SERPINI1: variants seen among roughly 807,000 people sequenced by gnomAD.
SERPINI1 encodes serpin family I member 1.
SERPINI1 carries 19 observed loss-of-function variants against 41.1 expected under a neutral mutation model. The ratio of observed to expected loss-of-function variants is 0.46; its 90% CI spans 0.32 to 0.68. SERPINI1 has a LOEUF of 0.68. Among genes scored for constraint, SERPINI1 ranks in the 30% least tolerant of loss-of-function variants. SERPINI1 has a pLI of 0.03. For missense variants in SERPINI1, 460 were observed against 479.2 expected (o/e 0.96, Z 0.37); for synonymous variants, 138 against 156.6 (o/e 0.88, Z 0.89).
intron 5 of SERPINI1, among the ~76,000 whole-genome samples, chr3:167,803,118 G>T (rs960377301): frequency 2.0e-5 from 3 of 151,720 alleles, no homozygotes; most frequent in African/African-American, 7.3e-5. Context: ...CACACTCTGG[G>T]GACTGTTGTG....
intron 1 of SERPINI1, among the ~76,000 whole-genome samples, chr3:167,771,848 CGCGCACGCGCACGCACAT>C (rs1303303350): frequency 8.3e-6 from 1 of 121,126 alleles, no homozygotes; most frequent in East Asian, 2.2e-4. Flanking sequence ...TGTGTGTGTG[CGCGCACGCGCACGCACAT>C]GCACACATGG....
intron 1 of SERPINI1, among the ~76,000 whole-genome samples, chr3:167,751,060 G>C (rs987836705): frequency 6.6e-5 from 10 of 151,984 alleles, no homozygotes; most frequent in Non-Finnish European, 1.2e-4. Flanking sequence ...AAAATCCACG[G>C]CAAGCTTACT....
At chr3:167,775,796 A>G (rs1384762733) in intron 1 of SERPINI1, among the ~76,000 whole-genome samples, 11 of 152,150 alleles carry the variant, frequency 7.2e-5, no homozygotes, top group Non-Finnish European at 1.6e-4. Flanking sequence ...GCAAGAATAC[A>G]TATTTGTTGA....
chr3:167,739,235 T>C (rs1725587074), intron 1 of SERPINI1, among the ~76,000 whole-genome samples: 2 of 152,134 alleles, frequency 1.3e-5, no homozygotes, highest in Non-Finnish European at 2.9e-5. Flanking sequence ...TATCTCCTGT[T>C]AGTCCTGAGC....
At chr3:167,803,450 C>G (rs1711519160) in intron 5 of SERPINI1, among the ~76,000 whole-genome samples, 1 of 152,074 alleles carries the variant, frequency 6.6e-6, no homozygotes, top group Non-Finnish European at 1.5e-5. Flanking sequence ...TTATACATAA[C>G]TACAATATAA....
chr3:167,824,403 G>T (rs1712447271), intron 7 of SERPINI1, 70 bp from the exon 8 acceptor site: 4 of 1,167,120 alleles, frequency 3.4e-6, no homozygotes, highest in Non-Finnish European at 5.1e-6. Context: ...AGGCATAGAT[G>T]GTTTTGAGGA....
intron 1 of SERPINI1, among the ~76,000 whole-genome samples, chr3:167,772,880 A>C (rs1438577832): frequency 9.1e-5 from 6 of 65,700 alleles, no homozygotes; most frequent in African/African-American, 2.9e-4. Flanking sequence ...ATATATATAT[A>C]TATATATATA....
chr3:167,769,343 A>G (rs1414780781), intron 1 of SERPINI1, among the ~76,000 whole-genome samples: 1 of 152,194 alleles, frequency 6.6e-6, no homozygotes, highest in Non-Finnish European at 1.5e-5. Context: ...CAAAACATGC[A>G]TGTATTTTAA....
chr3:167,793,333 GT>G (rs1560010138), intron 4 of SERPINI1, among the ~76,000 whole-genome samples: 1 of 151,962 alleles, frequency 6.6e-6, no homozygotes, highest in Non-Finnish European at 1.5e-5. Context: ...GAAGTTTAGG[GT>G]ATTAGTCCTT....
At chr3:167,816,412 A>G (rs1464897254) in intron 6 of SERPINI1, among the ~76,000 whole-genome samples, 3 of 152,220 alleles carry the variant, frequency 2.0e-5, no homozygotes, top group Non-Finnish European at 2.9e-5. Flanking sequence ...ACATCAGATG[A>G]CACTGAAAGA....
At chr3:167,755,893 T>C (rs1472800995) in intron 1 of SERPINI1, among the ~76,000 whole-genome samples, 1 of 149,140 alleles carries the variant, frequency 6.7e-6, no homozygotes, top group East Asian at 2.0e-4. Flanking sequence ...AGTGAAAGAG[T>C]TGGCTAGGGG....
chr3:167,751,994 G>A (rs772211600), intron 1 of SERPINI1, among the ~76,000 whole-genome samples: 2 of 152,232 alleles, frequency 1.3e-5, no homozygotes, highest in South Asian at 2.1e-4. Context: ...TGCCAAATGG[G>A]GAAAATGTTT....
chr3:167,825,519 ATTGTGT>A lies in SERPINI1; in HGVS notation c.*203_*208del. 1.8e-6 allele frequency: 1 copy of A among 557,602 alleles called. No individual in the cohort carries two copies. 34.5% of individuals were successfully genotyped at this position (557,602 alleles called of 1,614,324 possible). Reference sequence around the variant, plus strand: ...ATTAAGCTAATGGTCCTGTTATGTCATTGTGTTTGTGTGCTGTTGTTTAAAATAAAA... The same window carrying A: ...ATTAAGCTAATGGTCCTGTTATGTCATTGTGTGCTGTTGTTTAAAATAAAA... On this transcript the variant is annotated 3_prime_UTR_variant, in exon 9 of 9. Coordinates refer to ENST00000446050, the MANE Select transcript of SERPINI1 (RefSeq NM_001122752.2).
intron 6 of SERPINI1, among the ~76,000 whole-genome samples, chr3:167,808,056 T>A (rs1488055650): frequency 2.6e-5 from 4 of 151,800 alleles, no homozygotes; most frequent in Non-Finnish European, 4.4e-5. Context: ...AGGCAGAGGT[T>A]GAAGTGAGCC....
At chr3:167,788,091 T>A (rs976508214) in intron 1 of SERPINI1, among the ~76,000 whole-genome samples, 2 of 152,356 alleles carry the variant, frequency 1.3e-5, no homozygotes, top group Admixed American at 6.5e-5. Context: ...CTTAATTGTA[T>A]GAATAAACAG....
At chr3:167,804,685 C>CA (rs1711567039) in intron 5 of SERPINI1, among the ~76,000 whole-genome samples, 1 of 151,950 alleles carries the variant, frequency 6.6e-6, no homozygotes, top group Admixed American at 6.6e-5. Flanking sequence ...AAATTAAAAA[C>CA]AAAAAATAAA....
chr3:167,793,804 G>GTATA (rs372689407), intron 4 of SERPINI1, among the ~76,000 whole-genome samples: 16 of 146,380 alleles, frequency 1.1e-4, no homozygotes, highest in African/African-American at 3.6e-4. Flanking sequence ...TATATACTGT[G>GTATA]TGTATATATA....
chr3:167,776,136 C>G (rs551183603), intron 1 of SERPINI1, among the ~76,000 whole-genome samples: 1 of 152,286 alleles, frequency 6.6e-6, no homozygotes, highest in South Asian at 2.1e-4. Context: ...ACCATTAATG[C>G]CTGGCTTCGT....
chr3:167,774,629 C>T (rs751488910), intron 1 of SERPINI1, among the ~76,000 whole-genome samples: 18 of 152,140 alleles, frequency 1.2e-4, no homozygotes, highest in Admixed American at 2.6e-4. Flanking sequence ...CACCTCCTGT[C>T]AGACCAGCAG....
Sources: gnomAD v4.1 joint callset for allele counts (sites outside exome capture counted in the v4.1 genomes callset) on GRCh38, gnomAD v4.1.1 for gene constraint, MANE v1.5 for transcripts, NCBI Gene and HGNC (gene_info 2026-07-23, HGNC 2026-07-21) for gene names.